ULK4: variants seen among roughly 807,000 people sequenced by gnomAD.
ULK4 encodes the protein unc-51 like kinase 4, also known as inactive serine/threonine-protein kinase ULK4.
In ULK4, 133 loss-of-function variants were observed where a neutral mutation model predicts 160.6. The observed-to-expected ratio is 0.83, with a 90% confidence interval of 0.72 to 0.96. The LOEUF (loss-of-function observed/expected upper bound fraction) is 0.96, where lower values mean the gene tolerates loss of function less well. Ranked by LOEUF, ULK4 falls within the 40% of genes least tolerant of loss-of-function variation. The pLI is 0.00. For synonymous variants in ULK4, 534 were observed against 539.8 expected, an observed-to-expected ratio of 0.99 and a Z score of 0.15; for missense variants, 1,580 against 1,499.5, an observed-to-expected ratio of 1.05 and a Z score of -0.89.
At chr3:41,887,378 A>G (rs1327835029) in intron 16 of ULK4, among the ~76,000 whole-genome samples, 2 of 152,242 alleles carry the variant, frequency 1.3e-5, no homozygotes, top group African/African-American at 4.8e-5. Context: ...CATGGCATAC[A>G]TTAAAAATGA....
intron 32 of ULK4, among the ~76,000 whole-genome samples, chr3:41,479,615 T>C (rs888261888): frequency 1.1e-4 from 16 of 152,182 alleles, no homozygotes; most frequent in South Asian, 8.3e-4. Flanking sequence ...GCAGGTGGGA[T>C]TTGAACATGC....
intron 21 of ULK4, among the ~76,000 whole-genome samples, chr3:41,775,937 AT>A: frequency 6.6e-6 from 1 of 151,106 alleles, no homozygotes; most frequent in South Asian, 2.1e-4. Context: ...TAACTTTTAC[AT>A]TCTGCATCAT....
intron 30 of ULK4, among the ~76,000 whole-genome samples, chr3:41,623,139 G>A (rs1279601095): frequency 6.6e-6 from 1 of 152,190 alleles, no homozygotes; most frequent in Non-Finnish European, 1.5e-5. Flanking sequence ...TGTTACATAT[G>A]TTGTAGGTAT....
chr3:41,856,149 A>T (rs1174353013), intron 17 of ULK4, among the ~76,000 whole-genome samples: 3 of 152,158 alleles, frequency 2.0e-5, no homozygotes, highest in African/African-American at 7.2e-5. Flanking sequence ...TTAATATAAG[A>T]AACAAATCCA....
intron 32 of ULK4, among the ~76,000 whole-genome samples, chr3:41,497,000 T>C (rs2085014905): frequency 6.7e-6 from 1 of 150,190 alleles, no homozygotes. Context: ...AATCAAAAAT[T>C]ATTATGTATG....
intron 32 of ULK4, among the ~76,000 whole-genome samples, chr3:41,544,749 T>C (rs1056636375): frequency 6.6e-6 from 1 of 152,144 alleles, no homozygotes; most frequent in Admixed American, 6.5e-5. Flanking sequence ...GACCTATGAG[T>C]AGGGTTTTTC....
chr3:41,754,091 G>A (rs1430172391), intron 22 of ULK4, among the ~76,000 whole-genome samples: 6 of 152,136 alleles, frequency 3.9e-5, no homozygotes, highest in Admixed American at 2.0e-4. Flanking sequence ...GGGGATTACA[G>A]GGATTATAAT....
In ULK4 at chr3:41,352,783, G is replaced by C. The variant is rs75436642; in HGVS notation, c.3678+45296C>G. Among the ~76,000 whole-genome samples, 6 of 152,326 alleles carry C rather than the reference G, an allele frequency of 3.9e-5. No individual in the cohort carries two copies. The East Asian group carries it at 1.2e-3, about 29-fold the overall frequency. The stretch of plus-strand genomic sequence containing the variant: ...TGCAGAGCTCAAAGCCCAAACAGGA[G>C]AGTGCGTGGCTTGCAGGAAGGCAGA... On this transcript the variant is annotated intron_variant, in intron 35 of 36. Coordinates refer to ENST00000301831, the MANE Select transcript of ULK4 (RefSeq NM_017886.4).
chr3:41,332,483 C>CT (rs1390243122), intron 35 of ULK4, among the ~76,000 whole-genome samples: 1 of 152,196 alleles, frequency 6.6e-6, no homozygotes, highest in Non-Finnish European at 1.5e-5. Context: ...AGCTAGAAAT[C>CT]TTAACTGCTC....
chr3:41,915,952 A>T, intron 8 of ULK4, 25 bp downstream of exon 8: 33 of 1,527,122 alleles, frequency 2.2e-5, no homozygotes, highest in Non-Finnish European at 2.8e-5. Flanking sequence ...AGAAAAAGAA[A>T]AAAAGATCGA....
intron 35 of ULK4, among the ~76,000 whole-genome samples, chr3:41,388,297 G>A (rs2081871365): frequency 6.6e-6 from 1 of 151,966 alleles, no homozygotes; most frequent in Admixed American, 6.5e-5. Context: ...TGAGTAGGTT[G>A]CGAAAATTTT....
At chr3:41,413,204 G>A (rs2082445945) in intron 34 of ULK4, among the ~76,000 whole-genome samples, 1 of 152,124 alleles carries the variant, frequency 6.6e-6, no homozygotes, top group Admixed American at 6.6e-5. Context: ...GGAACAGTAT[G>A]GGGGAAACTG....
chr3:41,515,891 G>A (rs9841327), intron 32 of ULK4, among the ~76,000 whole-genome samples: 39,045 of 151,972 alleles, frequency 0.26, 5,257 homozygotes, highest in African/African-American at 0.31. Context: ...AACTAATCAA[G>A]GGTGATAGAA....
chr3:41,839,689 A>G (rs2041856458), intron 17 of ULK4, among the ~76,000 whole-genome samples: 1 of 152,100 alleles, frequency 6.6e-6, no homozygotes, highest in Non-Finnish European at 1.5e-5. Context: ...AGAAAGTCCC[A>G]AAGAGTCTAA....
Position 41,602,296 on chromosome 3 carries a change from G to C in ULK4, c.3120+13373C>G, listed in dbSNP as rs553047856. ...GAAAGGAAAGGAAAGGAAAGGAAAG[G>C]AAAGGAAAGGAAAGGAAAGGAAAGG... On this transcript the variant is annotated intron_variant, in intron 31 of 36. Coordinates refer to ENST00000301831, the MANE Select transcript of ULK4 (RefSeq NM_017886.4). Among the ~76,000 whole-genome samples the C allele has an allele frequency of 4.1e-4, 53 of 129,992 alleles. 2 individuals carry two copies. The South Asian group carries it at 0.012, about 30-fold the overall frequency. 85.3% of individuals were successfully genotyped at this position (129,992 alleles called of 152,430 possible). A position where few individuals can be genotyped will look rare whatever the true frequency, so the allele number is the denominator to read the frequency against.
At chr3:41,407,860 T>G (rs1376128466) in intron 34 of ULK4, among the ~76,000 whole-genome samples, 1 of 151,834 alleles carries the variant, frequency 6.6e-6, no homozygotes, top group Non-Finnish European at 1.5e-5. Context: ...GCTAGAAAAA[T>G]AAATAAGAAA....
intron 19 of ULK4, among the ~76,000 whole-genome samples, 172 bp downstream of exon 19, chr3:41,819,251 C>T (rs1047432609): frequency 1.1e-4 from 17 of 152,158 alleles, no homozygotes; most frequent in Non-Finnish European, 1.8e-4. Flanking sequence ...ATCATTTTTA[C>T]ACTTGCTCCA....
chr3:41,856,756 A>G (rs1293580722), intron 17 of ULK4, among the ~76,000 whole-genome samples: 1 of 151,220 alleles, frequency 6.6e-6, no homozygotes, highest in African/African-American at 2.4e-5. Flanking sequence ...AAATAAAAAA[A>G]TTAGCCAGGC....
intron 22 of ULK4, among the ~76,000 whole-genome samples, chr3:41,751,316 A>G (rs1186234482): frequency 6.6e-6 from 1 of 152,166 alleles, no homozygotes; most frequent in African/African-American, 2.4e-5. Flanking sequence ...GCAAGCCCAA[A>G]CCACCATATG....
Sources: gnomAD v4.1 joint callset for allele counts (sites outside exome capture counted in the v4.1 genomes callset) on GRCh38, gnomAD v4.1.1 for gene constraint, MANE v1.5 for transcripts, NCBI Gene and HGNC (gene_info 2026-07-23, HGNC 2026-07-21) for gene names.